The following PTGR1 variants were observed in gnomAD, a reference collection of about 807,000 sequenced individuals.
The protein encoded by PTGR1 is prostaglandin reductase 1, also known as 15-oxoprostaglandin 13-reductase.
Under a neutral mutation model 37.7 loss-of-function variants are expected in PTGR1, and 23 were observed. That is an observed-to-expected ratio of 0.61 (90% CI 0.44 to 0.86). The LOEUF (loss-of-function observed/expected upper bound fraction) is 0.86. Among genes scored for constraint, PTGR1 ranks in the 40% least tolerant of loss-of-function variants. PTGR1 has a pLI of 0.00. For synonymous variants in PTGR1, 134 were observed against 140.0 expected, an observed-to-expected ratio of 0.96 and a Z score of 0.30; for missense variants, 351 against 394.3, an observed-to-expected ratio of 0.89 and a Z score of 0.93.
At position 111,567,094 on chromosome 9, in the gene PTGR1, C is replaced by A. The variant is rs867193427; in HGVS notation, c.879+2997G>T. Reference sequence around the variant, plus strand: ...GAGACCCTGTCTCAAAAAAAAAAAACAAAAAAAGTCGGGGGGCGTGGGATA... The same window carrying A: ...GAGACCCTGTCTCAAAAAAAAAAAAAAAAAAAAGTCGGGGGGCGTGGGATA... On this transcript the variant is annotated intron_variant, in intron 9 of 9. Coordinates refer to ENST00000407693, the MANE Select transcript of PTGR1 (RefSeq NM_001146108.2). Among the ~76,000 whole-genome samples, 372 of 149,708 alleles carry A rather than the reference C, an allele frequency of 2.5e-3. 3 individuals are homozygous for A. Among genetic ancestry groups the A allele is most frequent in the South Asian group, 4.5e-3 (21 of 4,708 alleles).
chr9:111,580,969 G>A (rs1177988210), intron 6 of PTGR1, among the ~76,000 whole-genome samples: 1 of 152,110 alleles, frequency 6.6e-6, no homozygotes, highest in African/African-American at 2.4e-5. Flanking sequence ...CCTTAGCATG[G>A]CAGTCTCCAG....
intron 5 of PTGR1, among the ~76,000 whole-genome samples, chr9:111,584,382 G>A (rs1240126445): frequency 1.3e-5 from 2 of 152,150 alleles, no homozygotes; most frequent in Non-Finnish European, 2.9e-5. Flanking sequence ...GGTACAGGGC[G>A]GGCAGGAAAG....
intron 6 of PTGR1, among the ~76,000 whole-genome samples, chr9:111,580,668 T>C (rs147227909): frequency 0.048 from 7,233 of 150,624 alleles, 309 homozygotes; most frequent in East Asian, 0.19. Flanking sequence ...GGCAGGAGAA[T>C]AGCTTGAACC....
chr9:111,596,596 C>CA (rs566371612), intron 2 of PTGR1, among the ~76,000 whole-genome samples: 14,660 of 130,090 alleles, frequency 0.11, 806 homozygotes, highest in East Asian at 0.24. Flanking sequence ...ACTAAAAATA[C>CA]AAAAAAAAAA....
rs116780611 is a variant in PTGR1, at chr9:111,597,384, A to C, written c.39T>G (p.Phe13Leu). The change falls in exon 2 of 10, where the codon TTT becomes TTG. Residue 13 changes from phenylalanine (F) to leucine (L), a missense_variant. Transcript: ENST00000407693. The part of the protein sequence containing the change: ...RTKTWTLKKH[F>L]VGYPTNSDFE... ...AGTCACTATTAGTAGGATAGCCAAC[A>C]AAGTGCTTCTTCAGGGTCCATGTCT... The C allele has an allele frequency of 6.2e-7, 1 of 1,613,510 alleles. No homozygotes were observed. Among genetic ancestry groups the C allele is most frequent in the African/African-American group, 1.3e-5 (1 of 74,928 alleles).
rs553551550 is a variant in PTGR1 at position 111,588,568 on chromosome 9, C to T, written c.210-2403G>A. On this transcript the variant is annotated intron_variant, in intron 4 of 9. Transcript: ENST00000407693. Reference sequence around the variant, plus strand: ...GAGACAAGAGTTTCAATCTGTTGCCCAGGCTGGAGTCCAATGGCGAGATCT... The same window carrying T: ...GAGACAAGAGTTTCAATCTGTTGCCTAGGCTGGAGTCCAATGGCGAGATCT... Among the ~76,000 whole-genome samples the T allele has an allele frequency of 3.5e-4, 53 of 150,396 alleles. No homozygotes were observed. In the South Asian group the frequency reaches 0.011, roughly 31 times the overall value.
At chr9:111,550,303 A>G (rs572942064) in intron 9 of PTGR1, among the ~76,000 whole-genome samples, 2 of 152,176 alleles carry the variant, frequency 1.3e-5, no homozygotes, top group African/African-American at 4.8e-5. Context: ...GGGTTGGGAG[A>G]ATGGTAGCTT....
At chr9:111,557,101 A>G (rs1410326901) in intron 9 of PTGR1, among the ~76,000 whole-genome samples, 1 of 152,180 alleles carries the variant, frequency 6.6e-6, no homozygotes, top group African/African-American at 2.4e-5. Flanking sequence ...GGCTATTAAC[A>G]TTCAGCTCCT....
intron 4 of PTGR1, among the ~76,000 whole-genome samples, chr9:111,591,305 A>T (rs529485528): frequency 3.8e-4 from 57 of 151,944 alleles, no homozygotes; most frequent in South Asian, 3.5e-3. Flanking sequence ...CTCAAAAAAA[A>T]AATAATAATA....
downstream of PTGR1, among the ~76,000 whole-genome samples, chr9:111,561,106 T>TAGAGAGAGAGAGAG (rs1240649497): frequency 1.3e-4 from 3 of 23,164 alleles, no homozygotes; most frequent in Non-Finnish European, 2.3e-4. Flanking sequence ...TATATATATA[T>TAGAGAGAGAGAGAG]ATATAGAGAG....
At chr9:111,592,653 C>A in intron 4 of PTGR1, 1 of 321,806 alleles carries the variant, frequency 3.1e-6, no homozygotes. Context: ...CCAGATCCCG[C>A]AATAAATCAT....
chr9:111,581,617 G>A (rs1829282986), intron 6 of PTGR1, among the ~76,000 whole-genome samples: 1 of 152,106 alleles, frequency 6.6e-6, no homozygotes, highest in African/African-American at 2.4e-5. Context: ...AGCTCTGAGA[G>A]AAAGGGATTG....
At chr9:111,550,706 T>C (rs1827915719) in intron 9 of PTGR1, among the ~76,000 whole-genome samples, 1 of 152,250 alleles carries the variant, frequency 6.6e-6, no homozygotes. Flanking sequence ...TTCTTCAACT[T>C]TATCTTCCAG....
downstream of PTGR1, among the ~76,000 whole-genome samples, chr9:111,559,114 C>T (rs1342439015): frequency 6.6e-6 from 1 of 152,118 alleles, no homozygotes; most frequent in African/African-American, 2.4e-5. Context: ...AGGCTCTGAC[C>T]TCCCTGCCAA....
At chr9:111,556,987 G>C (rs2132297979) in intron 9 of PTGR1, among the ~76,000 whole-genome samples, 1 of 152,262 alleles carries the variant, frequency 6.6e-6, no homozygotes, top group Middle Eastern at 3.4e-3. Flanking sequence ...CCCTGGGCCT[G>C]GCCTGTGAAA....
chr9:111,556,064 G>A (rs1251722267), intron 9 of PTGR1, among the ~76,000 whole-genome samples: 3 of 152,262 alleles, frequency 2.0e-5, no homozygotes, highest in African/African-American at 7.2e-5. Flanking sequence ...AGATAGAACA[G>A]GGGTACAGAC....
chr9:111,570,044 G>T, intron 9 of PTGR1, 47 bp downstream of exon 9: 1 of 1,610,774 alleles, frequency 6.2e-7, no homozygotes, highest in African/African-American at 1.3e-5. Context: ...GGCAAAGGGA[G>T]TGTGACCTAG....
intron 7 of PTGR1, chr9:111,575,207 C>A (rs1829007150): frequency 6.2e-6 from 1 of 161,920 alleles, no homozygotes; most frequent in Admixed American, 6.4e-5. Context: ...GAGGCTGAGG[C>A]AGGAGAACTG....
At chr9:111,573,065 G>C (rs77928057) in intron 8 of PTGR1, among the ~76,000 whole-genome samples, 7,894 of 152,174 alleles carry the variant, frequency 0.052, 289 homozygotes, top group African/African-American at 0.093. Flanking sequence ...GATTAAAATG[G>C]AACGGACAAG....
Sources: allele counts gnomAD v4.1 joint callset (sites outside exome capture counted in the v4.1 genomes callset), GRCh38; gene constraint gnomAD v4.1.1; transcripts MANE v1.5; gene names NCBI Gene and HGNC (gene_info 2026-07-23, HGNC 2026-07-21).